EIF3J: variants seen among roughly 807,000 people sequenced by gnomAD.
EIF3J encodes eukaryotic translation initiation factor 3, subunit 1 (alpha, 35kD).
EIF3J carries 15 observed loss-of-function variants against 39.0 expected under a neutral mutation model. That is an observed-to-expected ratio of 0.38 (90% CI 0.26 to 0.59). The LOEUF (loss-of-function observed/expected upper bound fraction) is 0.59, where lower values mean the gene tolerates loss of function less well. Ranked by LOEUF, EIF3J falls within the 20% of genes least tolerant of loss-of-function variation. The probability of loss-of-function intolerance (pLI) is 0.60; values close to 1 mark genes in which losing one functional copy is unlikely to be tolerated. For synonymous variants in EIF3J, 98 were observed against 112.9 expected, an observed-to-expected ratio of 0.87 and a Z score of 0.84; for missense variants, 226 against 308.6, an observed-to-expected ratio of 0.73 and a Z score of 2.00.
rs1238366279 is a variant in EIF3J, at chr15:44,561,236, A to G, written c.*87A>G. ...ACTTCCTTTCCTTTCAGTTCTGCCA[A>G]ATGCTACAATCAGAAGTGCAGTATC... is the stretch of plus-strand genomic sequence containing the variant. On this transcript the variant is annotated 3_prime_UTR_variant, in exon 8 of 8. Coordinates refer to ENST00000261868, the MANE Select transcript of EIF3J (RefSeq NM_003758.4). 35 of 1,458,904 alleles carry G rather than the reference A, an allele frequency of 2.4e-5. No individual in the cohort carries two copies. Among genetic ancestry groups the G allele is most frequent in the Non-Finnish European group, 3.1e-5 (33 of 1,081,356 alleles). 90.4% of individuals were successfully genotyped at this position (1,458,904 alleles called of 1,614,324 possible).
intron 2 of EIF3J, among the ~76,000 whole-genome samples, chr15:44,539,830 C>A (rs1033422204): frequency 6.6e-6 from 1 of 151,386 alleles, no homozygotes; most frequent in Non-Finnish European, 1.5e-5. Context: ...TGCAGTGGCA[C>A]GATCTCTGCA....
At chr15:44,547,440 CTTTTTTTTTTTTT>C (rs986408245) in intron 2 of EIF3J, among the ~76,000 whole-genome samples, 5 of 92,528 alleles carry the variant, frequency 5.4e-5, no homozygotes, top group African/African-American at 2.2e-4. Flanking sequence ...GGCCTTGATT[CTTTTTTTTTTTTT>C]TTTTTTTTTT....
intron 2 of EIF3J, among the ~76,000 whole-genome samples, chr15:44,537,722 G>C (rs780961568): frequency 6.6e-6 from 1 of 152,230 alleles, no homozygotes. Flanking sequence ...CAAGCTTCGC[G>C]GTCCGGAGCC....
rs34101594 is a variant in EIF3J, at chr15:44,544,703, T to TAAA, written c.148-6154_148-6152dup. On this transcript the variant is annotated intron_variant, in intron 2 of 7. Transcript: ENST00000261868. Reference sequence around the variant, plus strand: ...TGGGCAATAAGAGCAAAACTCCATTTAAAAAAAAAAAAAAAAAAAAAGGTG... The same window carrying TAAA: ...TGGGCAATAAGAGCAAAACTCCATTTAAAAAAAAAAAAAAAAAAAAAAAAGGTG... Among the ~76,000 whole-genome samples, 51 of 85,446 alleles carry TAAA rather than the reference T, an allele frequency of 6.0e-4. 1 individual carries two copies. The highest frequency in any genetic ancestry group is 2.1e-3 in the African/African-American group (42 of 19,974). 56.1% of individuals were successfully genotyped at this position (85,446 alleles called of 152,430 possible).
chr15:44,539,058 C>T (rs1201704272), intron 2 of EIF3J, among the ~76,000 whole-genome samples: 1 of 146,554 alleles, frequency 6.8e-6, no homozygotes, highest in Non-Finnish European at 1.5e-5. Flanking sequence ...TGGAGTTTCG[C>T]TCTTGTTGCC....
At chr15:44,550,291 GTTTA>G (rs1402782112) in intron 2 of EIF3J, among the ~76,000 whole-genome samples, 1 of 152,050 alleles carries the variant, frequency 6.6e-6, no homozygotes. Context: ...AGTCATTTTT[GTTTA>G]TTTGTTTTGA....
At chr15:44,539,157 G>T (rs552261072) in intron 2 of EIF3J, among the ~76,000 whole-genome samples, 1 of 151,068 alleles carries the variant, frequency 6.6e-6, no homozygotes, top group Non-Finnish European at 1.5e-5. Flanking sequence ...CTCCCAAGTA[G>T]CTGGGATTAC....
intron 2 of EIF3J, among the ~76,000 whole-genome samples, chr15:44,547,422 C>CTTA (rs1401530752): frequency 6.8e-6 from 1 of 146,080 alleles, no homozygotes; most frequent in African/African-American, 2.5e-5. Context: ...GGATTACAGG[C>CTTA]GTAAGCCGGC....
chr15:44,540,259 ATATATATATTT>A (rs1164870309), intron 2 of EIF3J, among the ~76,000 whole-genome samples: 70 of 56,204 alleles, frequency 1.2e-3, no homozygotes, highest in African/African-American at 3.6e-3. Context: ...ATATATATAT[ATATATATATTT>A]TTTTTTTTTT....
At chr15:44,550,430 T>C (rs1181639522) in intron 2 of EIF3J, among the ~76,000 whole-genome samples, 1 of 152,062 alleles carries the variant, frequency 6.6e-6, no homozygotes, top group Non-Finnish European at 1.5e-5. Context: ...TAGCTGAGAC[T>C]ACAGGCACAT....
chr15:44,537,274 G>T (rs910932761), intron 1 of EIF3J, 37 bp downstream of exon 1: 3 of 1,568,470 alleles, frequency 1.9e-6, no homozygotes, highest in Non-Finnish European at 2.6e-6. Flanking sequence ...CCGGGCCGGC[G>T]CCGGCCCCAC....
intron 4 of EIF3J, among the ~76,000 whole-genome samples, chr15:44,554,302 A>T (rs917874834): frequency 6.7e-6 from 1 of 150,096 alleles, no homozygotes; most frequent in Middle Eastern, 3.2e-3. Context: ...ACTTGAACCC[A>T]GGAGGCAGAG....
At chr15:44,557,918 A>ATT (rs1235154455) in intron 6 of EIF3J, 2 of 221,798 alleles carry the variant, frequency 9.0e-6, no homozygotes, top group Non-Finnish European at 1.8e-5. Flanking sequence ...GCAGCTAATA[A>ATT]AACACTGGCC....
At chr15:44,540,005 T>G (rs1050570490) in intron 2 of EIF3J, among the ~76,000 whole-genome samples, 62 of 148,896 alleles carry the variant, frequency 4.2e-4, no homozygotes, top group African/African-American at 1.5e-3. Context: ...CGTGGCACGA[T>G]CTTGGCTCAC....
At chr15:44,538,487 C>T (rs887035867) in intron 2 of EIF3J, among the ~76,000 whole-genome samples, 13 of 151,994 alleles carry the variant, frequency 8.6e-5, no homozygotes, top group Non-Finnish European at 1.8e-4. Flanking sequence ...CCCTATAAAT[C>T]CTGCCTGGGC....
intron 2 of EIF3J, among the ~76,000 whole-genome samples, chr15:44,547,429 C>T (rs974930407): frequency 7.4e-5 from 11 of 149,458 alleles, no homozygotes; most frequent in Non-Finnish European, 1.2e-4. Context: ...AGGCGTAAGC[C>T]GGCCTTGATT....
chr15:44,560,131 A>C (rs927095339), intron 6 of EIF3J, 118 bp from the exon 7 acceptor site: 1 of 763,940 alleles, frequency 1.3e-6, no homozygotes, highest in Admixed American at 3.2e-5. Context: ...ATTTCTCATA[A>C]CACTTTTGGA....
intron 2 of EIF3J, among the ~76,000 whole-genome samples, chr15:44,550,212 G>C (rs922894078): frequency 4.6e-5 from 7 of 152,142 alleles, no homozygotes; most frequent in Admixed American, 3.9e-4. Context: ...GAGAAGCAAC[G>C]ATAAATCTAA....
chr15:44,551,623 A>G, intron 4 of EIF3J, 101 bp downstream of exon 4: 1 of 885,428 alleles, frequency 1.1e-6, no homozygotes, highest in Admixed American at 2.6e-5. Flanking sequence ...CTCTGTGAAG[A>G]CTGTAAATGG....
Sources: allele counts gnomAD v4.1 joint callset (sites outside exome capture counted in the v4.1 genomes callset), GRCh38; gene constraint gnomAD v4.1.1; transcripts MANE v1.5; gene names NCBI Gene and HGNC (gene_info 2026-07-23, HGNC 2026-07-21).